Variants in GALNT13 observed in about 807,000 individuals in gnomAD.
GALNT13 encodes UDP-GalNAc:polypeptide N-acetylgalactosaminyltransferase 13.
Under a neutral mutation model 64.2 loss-of-function variants are expected in GALNT13, and 28 were observed. That is an observed-to-expected ratio of 0.44 (90% CI 0.32 to 0.60). The LOEUF (loss-of-function observed/expected upper bound fraction) is 0.60. Ranked by LOEUF, GALNT13 falls within the 20% of genes least tolerant of loss-of-function variation. The pLI is 0.05. For synonymous variants in GALNT13, 214 were observed against 224.6 expected (o/e 0.95, Z 0.42); for missense variants, 577 against 669.8 (o/e 0.86, Z 1.53).
the GALNT13 span, among the ~76,000 whole-genome samples, chr2:153,735,013 C>A: frequency 6.6e-6 from 1 of 152,116 alleles, no homozygotes; most frequent in Non-Finnish European, 1.5e-5. Context: ...CTGTAGCTTC[C>A]TGGCTGCCAG....
the GALNT13 span, among the ~76,000 whole-genome samples, chr2:153,807,717 ATATT>A: frequency 6.6e-6 from 1 of 152,152 alleles, no homozygotes; most frequent in Non-Finnish European, 1.5e-5. Context: ...ATGTGTTATA[ATATT>A]TATTTTAATT....
chr2:154,048,291 C>G (rs938793862), intron 3 of GALNT13, among the ~76,000 whole-genome samples: 1 of 152,148 alleles, frequency 6.6e-6, no homozygotes, highest in South Asian at 2.1e-4. Flanking sequence ...GGGCCCACCT[C>G]CAACACTGGG....
chr2:153,315,222 G>A, the GALNT13 span, among the ~76,000 whole-genome samples: 1 of 152,104 alleles, frequency 6.6e-6, no homozygotes, highest in Non-Finnish European at 1.5e-5. Context: ...TAATAGACAT[G>A]GTGGCTTATT....
the GALNT13 span, among the ~76,000 whole-genome samples, chr2:153,328,647 C>T: frequency 2.0e-5 from 3 of 152,144 alleles, no homozygotes; most frequent in Non-Finnish European, 1.5e-5. Context: ...ATGGTGGACG[C>T]CCCTCCCCAT....
chr2:153,693,949 C>CA, the GALNT13 span, among the ~76,000 whole-genome samples: 6 of 150,944 alleles, frequency 4.0e-5, no homozygotes, highest in South Asian at 2.1e-4. Flanking sequence ...ACTAAAATTA[C>CA]AAAAAAAAAT....
chr2:153,114,785 C>T, the GALNT13 span, among the ~76,000 whole-genome samples: 1 of 151,958 alleles, frequency 6.6e-6, no homozygotes, highest in Non-Finnish European at 1.5e-5. Context: ...CTGAGTTTAC[C>T]AATGAATTTC....
the GALNT13 span, among the ~76,000 whole-genome samples, chr2:153,336,645 G>C: frequency 2.6e-5 from 4 of 152,196 alleles, no homozygotes; most frequent in African/African-American, 9.6e-5. Flanking sequence ...AGACAGAAGA[G>C]ACTTGCCTTG....
At chr2:154,189,451 T>C (rs917574750) in intron 4 of GALNT13, among the ~76,000 whole-genome samples, 16 of 143,430 alleles carry the variant, frequency 1.1e-4, no homozygotes, top group Admixed American at 2.2e-4. Flanking sequence ...TTGTTCACTT[T>C]CTCTCTTCTC....
intron 3 of GALNT13, among the ~76,000 whole-genome samples, chr2:154,133,964 G>C (rs1379648189): frequency 6.6e-6 from 1 of 152,100 alleles, no homozygotes; most frequent in African/African-American, 2.4e-5. Flanking sequence ...CTAGGTTACT[G>C]TTGGTAGTGT....
chr2:154,395,956 C>T, intron 9 of GALNT13, 35 bp from the exon 10 acceptor site: 1 of 1,554,032 alleles, frequency 6.4e-7, no homozygotes, highest in Non-Finnish European at 8.7e-7. Context: ...ACAAAAATAG[C>T]ACAAACTGAT....
chr2:153,998,929 T>C (rs768442662), intron 3 of GALNT13, among the ~76,000 whole-genome samples: 20 of 152,126 alleles, frequency 1.3e-4, no homozygotes, highest in Non-Finnish European at 2.8e-4. Flanking sequence ...AATCATTCCA[T>C]GCTCATGGAT....
the GALNT13 span, among the ~76,000 whole-genome samples, chr2:153,407,128 C>T: frequency 6.6e-6 from 1 of 151,984 alleles, no homozygotes; most frequent in South Asian, 2.1e-4. Context: ...TTTCTCAAAA[C>T]CTGGTCTCAT....
rs1471582862 is a variant in GALNT13 at position 154,043,415 on chromosome 2, TATATATATATATATATATATATATATA to T, written c.143-96921_143-96895del. On this transcript the variant is annotated intron_variant, in intron 3 of 12. Coordinates refer to ENST00000392825, the MANE Select transcript of GALNT13 (RefSeq NM_052917.4). ...CTGTCAACACTACTATAAGGACTTTTATATATATATATATATATATATATATATATATATATATATACACACATGTAT... is the reference window on the plus strand; with the variant it reads ...CTGTCAACACTACTATAAGGACTTTTTATATATATATATACACACATGTAT... Among the ~76,000 whole-genome samples the T allele has an allele frequency of 1.8e-4, 15 of 83,630 alleles. 1 individual carries two copies. Among genetic ancestry groups the T allele is most frequent in the African/African-American group, 7.8e-4 (15 of 19,226 alleles). 54.9% of individuals were successfully genotyped at this position (83,630 alleles called of 152,430 possible).
chr2:153,178,732 C>CTTTTTTT, the GALNT13 span, among the ~76,000 whole-genome samples: 65 of 98,378 alleles, frequency 6.6e-4, no homozygotes, highest in East Asian at 3.7e-3. Flanking sequence ...TTCTCTTCTT[C>CTTTTTTT]TTTTTTTTTT....
Position 153,896,945 on chromosome 2 carries a change from A to C in GALNT13, c.-176-3991A>C, listed in dbSNP as rs570409345. On this transcript the variant is annotated intron_variant, in intron 1 of 12. Coordinates refer to ENST00000392825, the MANE Select transcript of GALNT13 (RefSeq NM_052917.4). ...AAAATTTATAAGAATTGTGTTTAAG[A>C]ATACCTTTTGTTCAGATTCAACAGT... 1.4e-4 allele frequency among the ~76,000 whole-genome samples: 21 copies of C among 152,282 alleles called. No individual in the cohort carries two copies. The East Asian group carries it at 3.7e-3, about 27-fold the overall frequency.
chr2:153,872,742 T>C (rs928257951), intron 1 of GALNT13, among the ~76,000 whole-genome samples: 1 of 151,828 alleles, frequency 6.6e-6, no homozygotes, highest in African/African-American at 2.4e-5. Flanking sequence ...CCCGGCTGCG[T>C]TGCGGGCGTT....
chr2:153,901,255 T>C (rs1688216264), intron 2 of GALNT13, among the ~76,000 whole-genome samples: 1 of 152,180 alleles, frequency 6.6e-6, no homozygotes, highest in Admixed American at 6.6e-5. Context: ...TGAAGTCGGG[T>C]AATGTGATAC....
At chr2:154,284,366 C>T (rs543537830) in intron 8 of GALNT13, among the ~76,000 whole-genome samples, 1 of 152,222 alleles carries the variant, frequency 6.6e-6, no homozygotes, top group East Asian at 1.9e-4. Context: ...AAATATTAAT[C>T]TTTCTGTGCC....
intron 3 of GALNT13, among the ~76,000 whole-genome samples, chr2:154,127,667 G>T (rs1017151066): frequency 6.7e-6 from 1 of 149,342 alleles, no homozygotes; most frequent in African/African-American, 2.5e-5. Flanking sequence ...GATATATATG[G>T]TCATACATAT....
Sources: gnomAD v4.1 joint callset for allele counts (sites outside exome capture counted in the v4.1 genomes callset) on GRCh38, gnomAD v4.1.1 for gene constraint, MANE v1.5 for transcripts, NCBI Gene and HGNC (gene_info 2026-07-23, HGNC 2026-07-21) for gene names.